The following TEX15 variants were observed in gnomAD, a reference collection of about 807,000 sequenced individuals.
The protein encoded by TEX15 is testis-expressed protein 15.
TEX15 carries 171 observed loss-of-function variants against 237.3 expected under a neutral mutation model. The observed-to-expected ratio is 0.72, with a 90% CI of 0.64 to 0.82. The LOEUF (loss-of-function observed/expected upper bound fraction) is 0.82, where lower values mean the gene tolerates loss of function less well. Ranked by LOEUF, TEX15 falls within the 40% of genes least tolerant of loss-of-function variation. The pLI, the probability that TEX15 is intolerant of heterozygous loss-of-function variation, is 0.00. For synonymous variants in TEX15, 1,338 were observed against 1,269.8 expected (o/e 1.05, Z -1.14); for missense variants, 3,750 against 3,646.5 (o/e 1.03, Z -0.73).
intron 3 of TEX15, among the ~76,000 whole-genome samples, chr8:30,878,192 A>T (rs73670507): frequency 0.096 from 14,402 of 149,260 alleles, 1,005 homozygotes; most frequent in African/African-American, 0.2. Context: ...GTAGTATACC[A>T]TGGTATGAAT....
intron 6 of TEX15, 100 bp downstream of exon 6, chr8:30,859,811 G>A (rs969395149): frequency 6.6e-6 from 6 of 913,274 alleles, no homozygotes; most frequent in African/African-American, 5.2e-5. Context: ...TATATTGAAC[G>A]AATTAAGAGA....
intron 1 of TEX15, among the ~76,000 whole-genome samples, chr8:30,903,577 T>C (rs756350779): frequency 2.0e-4 from 31 of 152,226 alleles, no homozygotes; most frequent in Middle Eastern, 3.2e-3. Flanking sequence ...TTGACTGAAA[T>C]AGACCCACTC....
chr8:30,838,966 C>A (rs1585278946), intron 9 of TEX15, among the ~76,000 whole-genome samples: 1 of 151,304 alleles, frequency 6.6e-6, no homozygotes, highest in Non-Finnish European at 1.5e-5. Flanking sequence ...CAGGCACCCG[C>A]CACTATGCCC....
Position 30,846,947 on chromosome 8 carries a change from A to T in TEX15, c.3220T>A (p.Phe1074Ile), listed in dbSNP as rs754376224. Residue 1074 changes from phenylalanine to isoleucine, a missense_variant, in exon 8 of 11, where the codon TTT becomes ATT. By Grantham distance (21) the Phe-to-Ile change is conservative (BLOSUM62 0). Transcript: ENST00000643185. Reference sequence around the variant, plus strand: ...TCATGGCTATGTGTATCTTGTTGAAATATAAAAGCATCATCACAATCTTCT... The same window carrying T: ...TCATGGCTATGTGTATCTTGTTGAATTATAAAAGCATCATCACAATCTTCT... ...ELEDCDDAFI[F>I]QQDTHSHENM... 5.0e-6 allele frequency: 8 copies of T among 1,613,838 alleles called. No individual in the cohort carries two copies. The highest frequency in any genetic ancestry group is 6.8e-6 in the Non-Finnish European group (8 of 1,179,796).
At chr8:30,872,777 G>A (rs1369894617) in intron 4 of TEX15, among the ~76,000 whole-genome samples, 6 of 152,146 alleles carry the variant, frequency 3.9e-5, no homozygotes, top group Admixed American at 3.9e-4. Context: ...AGAAAAAAGT[G>A]TATAGAATAA....
intron 4 of TEX15, among the ~76,000 whole-genome samples, chr8:30,873,980 T>A (rs963866201): frequency 1.1e-4 from 16 of 152,124 alleles, no homozygotes; most frequent in Non-Finnish European, 1.9e-4. Flanking sequence ...AGGACAAAAA[T>A]TTTAATGTCC....
At chr8:30,864,618 G>GAAAAA (rs200930589) in intron 5 of TEX15, among the ~76,000 whole-genome samples, 1 of 81,400 alleles carries the variant, frequency 1.2e-5, no homozygotes, top group African/African-American at 3.5e-5. Flanking sequence ...TCCCAGACCA[G>GAAAAA]AAAAAAAAAA....
Position 30,847,329 on chromosome 8 carries a change from A to G in TEX15, c.2838T>C (p.Ile946=). Residue 946 remains isoleucine (I), a synonymous_variant, in exon 8 of 11, where the codon ATT becomes ATC. Coordinates refer to ENST00000643185, the MANE Select transcript of TEX15 (RefSeq NM_001350162.2). ...CAGTATCTTTTTGTTTCACGGCACT[A>G]ATGGTATCTTCTTCACTCTCTAATA... ...TALLESEEDT[I]SAVKQKDTEN... is the part of the protein sequence containing the mutation. 6.2e-7 allele frequency: 1 copy of G among 1,613,864 alleles called. No individual in the cohort carries two copies. The highest frequency in any genetic ancestry group is 2.2e-5 in the East Asian group (1 of 44,874).
In TEX15 at chr8:30,842,321, T is replaced by C. The variant is rs1164229380; in HGVS notation, c.7846A>G (p.Met2616Val). 6.2e-7 allele frequency: 1 copy of C among 1,613,880 alleles called. No individual in the cohort carries two copies. The highest frequency in any genetic ancestry group is 1.3e-5 in the African/African-American group (1 of 75,024). Residue 2616 changes from methionine (M) to valine (V), a missense_variant, in exon 8 of 11, where the codon ATG becomes GTG. Physicochemically the swap from Met to Val is conservative, Grantham distance 21. Transcript: ENST00000643185. ...LGKMAHIRKV[M>V]KTIEHMKMIC... is the part of the protein sequence containing the mutation. The stretch of plus-strand genomic sequence containing the variant: ...ATCTTCATATGTTCAATCGTTTTCA[T>C]GACTTTCCTAATGTGGGCCATTTTT...
chr8:30,869,547 A>C (rs988111724), intron 4 of TEX15, among the ~76,000 whole-genome samples: 1 of 152,024 alleles, frequency 6.6e-6, no homozygotes, highest in Non-Finnish European at 1.5e-5. Context: ...AAATTTGCAC[A>C]TGGGACCCAT....
At chr8:30,856,575 C>T (rs1157218258) in intron 7 of TEX15, among the ~76,000 whole-genome samples, 1 of 151,850 alleles carries the variant, frequency 6.6e-6, no homozygotes, top group Admixed American at 6.6e-5. Context: ...AAACAAAATA[C>T]CTTAAATTTT....
chr8:30,847,337 C>T lies in TEX15; in HGVS notation c.2830G>A (p.Asp944Asn), dbSNP rs1807643610. 4.3e-6 allele frequency: 7 copies of T among 1,613,732 alleles called. No individual in the cohort carries two copies. The highest frequency in any genetic ancestry group is 5.9e-6 in the Non-Finnish European group (7 of 1,179,916). Residue 944 changes from aspartate (D) to asparagine (N), a missense_variant, in exon 8 of 11, where the codon GAT (aspartate) becomes AAT (asparagine). Transcript: ENST00000643185. ...TTTTGTTTCACGGCACTAATGGTAT[C>T]TTCTTCACTCTCTAATAATGCAGTT... ...AATALLESEEDTISAVKQKDT... is the reference protein window; with the variant it reads ...AATALLESEENTISAVKQKDT...
chr8:30,844,876 T>C lies in TEX15; in HGVS notation c.5291A>G (p.Lys1764Arg), dbSNP rs1166557070. 1 of 1,613,458 alleles carries C rather than the reference T, an allele frequency of 6.2e-7. No homozygotes were observed. The highest frequency in any genetic ancestry group is 8.5e-7 in the Non-Finnish European group (1 of 1,179,558). ...VPHCEQSCRE[K>R]ELLKTEQCSS... ...GCACTGTTCTGTCTTTAGAAGCTCT[T>C]TTTCTCTACAGCTCTGCTCACAGTG... Residue 1764 changes from lysine (K) to arginine (R), a missense_variant, in exon 8 of 11, where the codon AAA becomes AGA. Transcript: ENST00000643185.
At position 30,844,014 on chromosome 8, in the gene TEX15, C is replaced by T; in HGVS notation, c.6153G>A (p.Leu2051=). 15 of 1,612,046 alleles carry T rather than the reference C, an allele frequency of 9.3e-6. No homozygotes were observed. The highest frequency in any genetic ancestry group is 1.1e-5 in the Non-Finnish European group (13 of 1,179,150). The change falls in exon 8 of 11, where the codon CTG becomes CTA. Residue 2051 remains leucine (L), a synonymous_variant. Coordinates refer to ENST00000643185, the MANE Select transcript of TEX15 (RefSeq NM_001350162.2). ...TATTCCACAGGTTTTGGTCTACCAA[C>T]AGTTCTCTTGAAATCAGGATTTGTT... The part of the protein sequence containing the change: ...SVEQILISRE[L]LVDQNLWNNC...
Position 30,849,384 on chromosome 8 carries a change from C to T in TEX15, c.851-68G>A, listed in dbSNP as rs893751846. ...CTATAGACAACTATTAATACAGGTACATTGTGTCCAGTAATTTTAATTGAA... is the reference window on the plus strand; with the variant it reads ...CTATAGACAACTATTAATACAGGTATATTGTGTCCAGTAATTTTAATTGAA... On this transcript the variant is annotated intron_variant, in intron 7 of 10. Coordinates refer to ENST00000643185, the MANE Select transcript of TEX15 (RefSeq NM_001350162.2). The T allele has an allele frequency of 2.9e-5, 24 of 822,212 alleles. No homozygotes were observed. In the Admixed American group the frequency reaches 6.7e-4, roughly 23 times the overall value. The allele number at this position is 822,212 out of a possible 1,614,324, so 50.9% of individuals were successfully genotyped here.
At chr8:30,893,660 T>C (rs1441036919) in intron 2 of TEX15, among the ~76,000 whole-genome samples, 1 of 152,216 alleles carries the variant, frequency 6.6e-6, no homozygotes, top group Non-Finnish European at 1.5e-5. Context: ...GACTGCTACT[T>C]TCTCTCAGCA....
Position 30,837,280 on chromosome 8 carries a change from C to A in TEX15, c.9004G>T (p.Asp3002Tyr). Residue 3002 changes from aspartate to tyrosine, a missense_variant, in exon 10 of 11, where the codon GAC (aspartate) becomes TAC (tyrosine). Physicochemically the swap from Asp to Tyr is radical, Grantham distance 160. Coordinates refer to ENST00000643185, the MANE Select transcript of TEX15 (RefSeq NM_001350162.2). ...AEYSLSEQQN[D>Y]KNSKVLMQNA... ...TGCATTAGGACTTTTGAATTTTTGT[C>A]ATTCTGTTGTTCAGAAAGAGAGTAC... 6.2e-7 allele frequency: 1 copy of A among 1,614,152 alleles called. No individual in the cohort carries two copies.
chr8:30,877,267 G>A (rs947794417), intron 3 of TEX15, among the ~76,000 whole-genome samples: 4 of 151,954 alleles, frequency 2.6e-5, no homozygotes, highest in South Asian at 2.1e-4. Flanking sequence ...TAACAAGTTC[G>A]GACAAAAAAG....
intron 7 of TEX15, 77 bp from the exon 8 acceptor site, chr8:30,849,393 C>T: frequency 2.5e-6 from 2 of 790,566 alleles, no homozygotes; most frequent in South Asian, 2.2e-5. Flanking sequence ...ACATTGTGTC[C>T]AGTAATTTTA....
Sources: allele counts gnomAD v4.1 joint callset (sites outside exome capture counted in the v4.1 genomes callset), GRCh38; gene constraint gnomAD v4.1.1; transcripts MANE v1.5; gene names NCBI Gene and HGNC (gene_info 2026-07-23, HGNC 2026-07-21).